SLC36A4: variants seen among roughly 807,000 people sequenced by gnomAD.
The protein encoded by SLC36A4 is neutral amino acid uniporter 4.
Under a neutral mutation model 50.5 loss-of-function variants are expected in SLC36A4, and 49 were observed. That is an observed-to-expected ratio of 0.97 (90% CI 0.77 to 1.23). SLC36A4 has a LOEUF of 1.23. Among genes scored for constraint, SLC36A4 ranks in the 50% most tolerant of loss-of-function variants. The probability of loss-of-function intolerance (pLI) is 0.00; values close to 1 mark genes in which losing one functional copy is unlikely to be tolerated. For synonymous variants in SLC36A4, 207 were observed against 206.5 expected, an observed-to-expected ratio of 1.00 and a Z score of -0.02; for missense variants, 611 against 608.4, an observed-to-expected ratio of 1.00 and a Z score of -0.05.
rs559451144 is a variant in SLC36A4 at position 93,154,775 on chromosome 11, C to T, written c.1038-498G>A. ...CATCCATCTTAAGTCTAAAAGCAGACATCTAAACGGTTTCAACTTGCTAAG... is the reference window on the plus strand; with the variant it reads ...CATCCATCTTAAGTCTAAAAGCAGATATCTAAACGGTTTCAACTTGCTAAG... On this transcript the variant is annotated intron_variant, in intron 9 of 10. Transcript: ENST00000326402. 4 of 152,220 alleles carry T rather than the reference C, an allele frequency of 2.6e-5. No homozygotes were observed. In the South Asian group the frequency reaches 6.2e-4, roughly 24 times the overall value. 9.4% of individuals were successfully genotyped at this position (152,220 alleles called of 1,614,324 possible).
chr11:93,162,537 G>A (rs984239034), intron 9 of SLC36A4, among the ~76,000 whole-genome samples, 169 bp downstream of exon 9: 7 of 152,058 alleles, frequency 4.6e-5, no homozygotes, highest in Admixed American at 3.9e-4. Flanking sequence ...TTGAACTCCC[G>A]ACCTCAGGTG....
intron 9 of SLC36A4, among the ~76,000 whole-genome samples, chr11:93,158,205 GA>G (rs1256565831): frequency 3.9e-5 from 6 of 152,034 alleles, no homozygotes; most frequent in African/African-American, 1.4e-4. Flanking sequence ...CCACATAACT[GA>G]AAGACACGTG....
intron 9 of SLC36A4, chr11:93,160,954 C>T (rs1860591005): frequency 5.8e-6 from 1 of 172,346 alleles, no homozygotes; most frequent in South Asian, 1.9e-4. Context: ...GATCCTCCCA[C>T]TCAGCCTCCC....
intron 3 of SLC36A4, 64 bp downstream of exon 3, chr11:93,184,366 T>C: frequency 2.1e-6 from 2 of 962,032 alleles, no homozygotes; most frequent in Non-Finnish European, 3.4e-6. Flanking sequence ...AGGCCAGATA[T>C]TAGGTTGCTA....
In SLC36A4 at chr11:93,197,939, T is replaced by C; in HGVS notation, c.-107A>G. 8.6e-7 allele frequency: 1 copy of C among 1,166,126 alleles called. No individual in the cohort carries two copies. The allele number at this position is 1,166,126 out of a possible 1,614,324, so 72.2% of individuals were successfully genotyped here. ...TCCCCTGCCCGGAGGGACCCGCGCC[T>C]GGTGCCCGCCTCCCTGCCCCGGCGC... On this transcript the variant is annotated 5_prime_UTR_variant, in exon 1 of 11. Transcript: ENST00000326402.
rs1473837812 is a variant in SLC36A4 at position 93,159,326 on chromosome 11, G to A, written c.1037+3380C>T. ...AACATAGAATATCAAAATTTATAAT[G>A]CTTTTATTCTTTTCCCCACATTGGC... On this transcript the variant is annotated intron_variant, in intron 9 of 10. Coordinates refer to ENST00000326402, the MANE Select transcript of SLC36A4 (RefSeq NM_152313.4). Among the ~76,000 whole-genome samples, 4 of 152,098 alleles carry A rather than the reference G, an allele frequency of 2.6e-5. No individual in the cohort carries two copies. In the East Asian group the frequency reaches 7.7e-4, roughly 29 times the overall value.
In SLC36A4 at chr11:93,148,724, T is replaced by C; in HGVS notation, c.1328A>G (p.Glu443Gly). Residue 443 changes from glutamate to glycine, a missense_variant, in exon 11 of 11, where the codon GAA becomes GGA. Physicochemically the swap from Glu to Gly is moderately conservative, Grantham distance 98 (BLOSUM62 -2). Transcript: ENST00000326402. ...PLVEILTFSK[E>G]HYNIWMVLKN... ...CAGGACCATCCATATATTATAATGTTCCTTCGAAAATGTAAGAATTTCAAC... is the reference window on the plus strand; with the variant it reads ...CAGGACCATCCATATATTATAATGTCCCTTCGAAAATGTAAGAATTTCAAC... 1 of 1,612,964 alleles carries C rather than the reference T, an allele frequency of 6.2e-7. No homozygotes were observed. Among genetic ancestry groups the C allele is most frequent in the Non-Finnish European group, 8.5e-7 (1 of 1,179,362 alleles).
chr11:93,148,615 A>G lies in SLC36A4; in HGVS notation c.1437T>C (p.Thr479=), dbSNP rs948462854. 1.9e-6 allele frequency: 3 copies of G among 1,612,652 alleles called. No individual in the cohort carries two copies. Among genetic ancestry groups the G allele is most frequent in the Non-Finnish European group, 1.7e-6 (2 of 1,179,212 alleles). The change falls in exon 11 of 11, where the codon ACT becomes ACC. Residue 479 remains threonine (T), a synonymous_variant. Transcript: ENST00000326402. ...YITVEEIIYP[T]PKVVAGTPQS... ...GTGGAGTGCCAGCTACAACTTTGGG[A>G]GTAGGATAAATAATTTCTTCAACAG...
chr11:93,171,077 T>G (rs891563447), intron 6 of SLC36A4: 1 of 151,962 alleles, frequency 6.6e-6, no homozygotes, highest in Non-Finnish European at 1.5e-5. Context: ...TCTGATTGCA[T>G]GCTGCTTCAG....
In SLC36A4 at chr11:93,164,727, G is replaced by C. The variant is rs555485893; in HGVS notation, c.867+1191C>G. 5.9e-5 allele frequency among the ~76,000 whole-genome samples: 9 copies of C among 152,252 alleles called. No homozygotes were observed. The South Asian group carries it at 1.9e-3, about 32-fold the overall frequency. ...CATTTCCTGAGGCCTTCTGTGTCAC[G>C]CAGCATTATAGGTGTTTTATGTATA... On this transcript the variant is annotated intron_variant, in intron 8 of 10. Coordinates refer to ENST00000326402, the MANE Select transcript of SLC36A4 (RefSeq NM_152313.4).
intron 3 of SLC36A4, 41 bp from the exon 4 acceptor site, chr11:93,182,935 G>C (rs774734428): frequency 7.2e-7 from 1 of 1,381,406 alleles, no homozygotes; most frequent in Non-Finnish European, 1.0e-6. Context: ...ATATTTAACA[G>C]AAATTGAGTA....
chr11:93,183,889 G>A (rs556667697), intron 3 of SLC36A4, among the ~76,000 whole-genome samples: 332 of 151,998 alleles, frequency 2.2e-3, no homozygotes, highest in Non-Finnish European at 3.7e-3. Context: ...TAGTAGAGAC[G>A]GGGTTTCACC....
chr11:93,160,699 C>T (rs1048818315), intron 9 of SLC36A4: 5 of 985,140 alleles, frequency 5.1e-6, no homozygotes, highest in Middle Eastern at 5.2e-4. Context: ...AAACTTCCCC[C>T]CTAAAATATT....
At chr11:93,182,370 T>C (rs1008784477) in intron 4 of SLC36A4, 111 of 282,890 alleles carry the variant, frequency 3.9e-4, no homozygotes, top group Middle Eastern at 3.6e-3. Flanking sequence ...TATGGTCTAC[T>C]GTCCAGTAGA....
chr11:93,176,749 T>C (rs1040183180), intron 6 of SLC36A4, among the ~76,000 whole-genome samples: 42 of 152,250 alleles, frequency 2.8e-4, no homozygotes, highest in Admixed American at 9.8e-4. Context: ...TTGAAAATTC[T>C]TTTCTTTCAG....
At chr11:93,160,747 T>C in intron 9 of SLC36A4, 1 of 981,342 alleles carries the variant, frequency 1.0e-6, no homozygotes, top group Non-Finnish European at 1.2e-6. Flanking sequence ...GGAAAGAATT[T>C]TGACATTATT....
At chr11:93,177,425 T>C (rs1314762602) in intron 6 of SLC36A4, among the ~76,000 whole-genome samples, 2 of 152,240 alleles carry the variant, frequency 1.3e-5, no homozygotes, top group Non-Finnish European at 2.9e-5. Context: ...AGTTTGTTAC[T>C]ACCGATCGTC....
At chr11:93,161,697 AT>A (rs943783194) in intron 9 of SLC36A4, among the ~76,000 whole-genome samples, 9 of 152,196 alleles carry the variant, frequency 5.9e-5, no homozygotes, top group Non-Finnish European at 8.8e-5. Context: ...GATTACACAG[AT>A]TTTTTTAATC....
At chr11:93,148,963 C>T in intron 10 of SLC36A4, 119 bp from the exon 11 acceptor site, 1 of 1,060,602 alleles carries the variant, frequency 9.4e-7, no homozygotes, top group Non-Finnish European at 1.3e-6. Flanking sequence ...GAAAGTTGAA[C>T]TACTAAACTA....
Sources: allele counts gnomAD v4.1 joint callset (sites outside exome capture counted in the v4.1 genomes callset), GRCh38; gene constraint gnomAD v4.1.1; transcripts MANE v1.5; gene names NCBI Gene and HGNC (gene_info 2026-07-23, HGNC 2026-07-21).